The following ARHGEF7 variants were observed in gnomAD, a reference collection of about 807,000 sequenced individuals.
ARHGEF7 encodes Rho guanine nucleotide exchange factor 7, also known as PAK-interacting exchange factor beta.
ARHGEF7 carries 33 observed loss-of-function variants against 109.8 expected under a neutral mutation model. That is an observed-to-expected ratio of 0.30 (90% CI 0.23 to 0.40). The LOEUF (loss-of-function observed/expected upper bound fraction) is 0.40, where lower values mean the gene tolerates loss of function less well. ARHGEF7 is among the 10% of genes least tolerant of loss of function. The pLI is 1.00. For synonymous variants in ARHGEF7, 458 were observed against 424.6 expected (o/e 1.08, Z -0.97); for missense variants, 938 against 1,098.5 (o/e 0.85, Z 2.07).
chr13:111,234,547 C>A (rs1427265876), intron 6 of ARHGEF7, among the ~76,000 whole-genome samples: 1 of 152,154 alleles, frequency 6.6e-6, no homozygotes, highest in African/African-American at 2.4e-5. Context: ...TTTGTTGCCT[C>A]CATTTTTACT....
At position 111,274,723 on chromosome 13, in the gene ARHGEF7, A is replaced by T. The variant is rs770544283; in HGVS notation, c.1213-8A>T. ...TGAAAGCTAATTGTATGTTTCTTTT[A>T]CTCAAAGGATTATCATACAGATAGA... On this transcript the variant is annotated splice_region_variant and splice_polypyrimidine_tract_variant and intron_variant, in intron 10 of 21. Transcript: ENST00000646102. 1 of 1,463,232 alleles carries T rather than the reference A, an allele frequency of 6.8e-7. No homozygotes were observed. The allele number at this position is 1,463,232 out of a possible 1,614,324, so 90.6% of individuals were successfully genotyped here.
chr13:111,261,822 A>G (rs1362300711), intron 8 of ARHGEF7, among the ~76,000 whole-genome samples: 1 of 152,250 alleles, frequency 6.6e-6, no homozygotes, highest in Non-Finnish European at 1.5e-5. Flanking sequence ...GGAATTTTGG[A>G]AACTATGCAG....
At chr13:111,233,743 A>G (rs146440307) in intron 6 of ARHGEF7, among the ~76,000 whole-genome samples, 148 of 152,346 alleles carry the variant, frequency 9.7e-4, no homozygotes, top group Middle Eastern at 3.4e-3. Flanking sequence ...TACATATCAC[A>G]TGGCGTAGAA....
At chr13:111,127,699 T>C (rs1338739370) in intron 1 of ARHGEF7, among the ~76,000 whole-genome samples, 1 of 136,868 alleles carries the variant, frequency 7.3e-6, no homozygotes, top group Admixed American at 7.3e-5. Context: ...GAAAGATTAA[T>C]AGTGAGGTTG....
intron 1 of ARHGEF7, among the ~76,000 whole-genome samples, chr13:111,122,083 T>TC (rs1938565592): frequency 6.6e-6 from 1 of 152,224 alleles, no homozygotes; most frequent in African/African-American, 2.4e-5. Flanking sequence ...CTTGCAACTT[T>TC]CGGGGGCTGG....
chr13:111,259,117 G>A (rs530746305), intron 8 of ARHGEF7, among the ~76,000 whole-genome samples: 4 of 152,276 alleles, frequency 2.6e-5, no homozygotes, highest in Admixed American at 2.0e-4. Flanking sequence ...GCTCTGGCTC[G>A]CAGATGGCAT....
chr13:111,152,716 G>C (rs188348771), intron 1 of ARHGEF7, among the ~76,000 whole-genome samples: 21 of 152,364 alleles, frequency 1.4e-4, no homozygotes, highest in Admixed American at 1.2e-3. Flanking sequence ...TGACGCATTA[G>C]TTTAAATGTC....
chr13:111,165,760 A>G (rs1298305576), intron 2 of ARHGEF7, among the ~76,000 whole-genome samples: 1 of 152,216 alleles, frequency 6.6e-6, no homozygotes, highest in Non-Finnish European at 1.5e-5. Context: ...TTCAGTGGTC[A>G]GCTCTGCATA....
chr13:111,294,841 G>A lies in ARHGEF7; in HGVS notation c.2311+2547G>A, dbSNP rs915722897. The A allele has an allele frequency of 4.1e-6, 4 of 985,658 alleles. No individual in the cohort carries two copies. In the African/African-American group the frequency reaches 7.0e-5, roughly 17 times the overall value. The allele number at this position is 985,658 out of a possible 1,614,324, so 61.1% of individuals were successfully genotyped here. ...GAAGGTAGGTTTAAGCCATCACCAG[G>A]CCTTTGCAAATGGCCTAAATGGTGT... On this transcript the variant is annotated intron_variant, in intron 19 of 21. Transcript: ENST00000646102.
In ARHGEF7 at chr13:111,285,444, C is replaced by T. The variant is rs544225979; in HGVS notation, c.1951-703C>T. Among the ~76,000 whole-genome samples, 16 of 152,302 alleles carry T rather than the reference C, an allele frequency of 1.1e-4. No individual in the cohort carries two copies. In the East Asian group the frequency reaches 3.1e-3, roughly 29 times the overall value. On this transcript the variant is annotated intron_variant, in intron 16 of 21. Coordinates refer to ENST00000646102, the MANE Select transcript of ARHGEF7 (RefSeq NM_001354046.2). ...TTAACACGTGCTTGACAGTTGACAC[C>T]TTACCTGCTCTGTTGGGACTTGCTT...
intron 2 of ARHGEF7, among the ~76,000 whole-genome samples, chr13:111,201,343 GCT>G (rs2081193206): frequency 6.6e-6 from 1 of 152,192 alleles, no homozygotes; most frequent in Admixed American, 6.5e-5. Context: ...AACAGTGCCA[GCT>G]ACAATTCAGC....
At chr13:111,293,578 G>C (rs2093353818) in intron 19 of ARHGEF7, 1 of 985,140 alleles carries the variant, frequency 1.0e-6, no homozygotes, top group African/African-American at 1.7e-5. Context: ...TCCACACCTA[G>C]TCATTGCTTG....
chr13:111,130,405 A>G (rs1671207297), intron 1 of ARHGEF7, among the ~76,000 whole-genome samples: 1 of 152,156 alleles, frequency 6.6e-6, no homozygotes, highest in Admixed American at 6.5e-5. Context: ...GTTTTTGTTG[A>G]GTGTAATGGA....
chr13:111,199,473 C>A (rs967621382), intron 2 of ARHGEF7, among the ~76,000 whole-genome samples: 2 of 152,194 alleles, frequency 1.3e-5, no homozygotes, highest in African/African-American at 4.8e-5. Context: ...GCACAGGTGA[C>A]TATAAGCTCC....
At chr13:111,291,312 A>G (rs942865394) in intron 18 of ARHGEF7, among the ~76,000 whole-genome samples, 5 of 152,250 alleles carry the variant, frequency 3.3e-5, no homozygotes, top group African/African-American at 4.8e-5. Flanking sequence ...ATGTTGTGCC[A>G]CTTCCTCTGT....
At chr13:111,293,403 A>G in intron 19 of ARHGEF7, 3 of 984,470 alleles carry the variant, frequency 3.0e-6, no homozygotes, top group Non-Finnish European at 3.6e-6. Context: ...AGTTCATTGA[A>G]GAATTACTAG....
chr13:111,167,507 G>A (rs1042289598), intron 2 of ARHGEF7, among the ~76,000 whole-genome samples: 1 of 152,088 alleles, frequency 6.6e-6, no homozygotes, highest in Non-Finnish European at 1.5e-5. Flanking sequence ...CTAAGATGAG[G>A]GTGTAGCTCT....
rs939071935 is a variant in ARHGEF7, at chr13:111,233,549, C to T, written c.759+256C>T. ...TCTTGTCCCGTAACATAGTAATGTG[C>T]GTGTTTCCCCATGCCATAGCCAGTC... On this transcript the variant is annotated intron_variant, in intron 6 of 21. Transcript: ENST00000646102. 1.1e-4 allele frequency among the ~76,000 whole-genome samples: 16 copies of T among 152,220 alleles called. 1 individual carries two copies. Among genetic ancestry groups the T allele is most frequent in the Non-Finnish European group, 1.8e-4 (12 of 68,018 alleles).
chr13:111,209,907 C>T lies in ARHGEF7; in HGVS notation c.373C>T (p.Pro125Ser). The T allele has an allele frequency of 1.2e-6, 2 of 1,614,176 alleles. No homozygotes were observed. Among genetic ancestry groups the T allele is most frequent in the African/African-American group, 2.7e-5 (2 of 75,024 alleles). Residue 125 changes from proline to serine, a missense_variant, in exon 4 of 22, where the codon CCC becomes TCC. By Grantham distance (74) the Pro-to-Ser change is moderately conservative. Around this residue, in one of 4 missense-constraint regions of ARHGEF7, gnomAD observed 585 missense variants for 723.6 expected, o/e 0.81. Transcript: ENST00000646102. ...GGGGAGTGACTCCGTGTGTGCCCGGCCCTCGTCTCACCGCATAAAGTCTTT... is the reference window on the plus strand; with the variant it reads ...GGGGAGTGACTCCGTGTGTGCCCGGTCCTCGTCTCACCGCATAAAGTCTTT... Reference protein sequence around the residue: ...GLGSDSVCARPSSHRIKSFDS... With the variant: ...GLGSDSVCARSSSHRIKSFDS...
Sources: allele counts gnomAD v4.1 joint callset (sites outside exome capture counted in the v4.1 genomes callset), GRCh38; gene constraint gnomAD v4.1.1; regional missense constraint gnomAD v4.1.1; transcripts MANE v1.5; gene names NCBI Gene and HGNC (gene_info 2026-07-23, HGNC 2026-07-21).